The following CARM1 variants were observed in gnomAD, a reference collection of about 807,000 sequenced individuals.
CARM1 encodes the protein histone-arginine methyltransferase CARM1.
A neutral mutation model predicts 72.7 loss-of-function variants in CARM1; 14 were observed. The ratio of observed to expected loss-of-function variants is 0.19; its 90% confidence interval spans 0.13 to 0.30. CARM1 has a LOEUF of 0.30. Ranked by LOEUF, CARM1 falls within the 10% of genes least tolerant of loss-of-function variation. The pLI, the probability that CARM1 is intolerant of heterozygous loss-of-function variation, is 1.00. For synonymous variants in CARM1, 333 were observed against 345.5 expected (o/e 0.96, Z 0.40); for missense variants, 432 against 833.7 (o/e 0.52, Z 5.93).
At chr19:10,878,017 A>G (rs2146299228) in intron 1 of CARM1, among the ~76,000 whole-genome samples, 1 of 152,000 alleles carries the variant, frequency 6.6e-6, no homozygotes, top group East Asian at 1.9e-4. Context: ...AATTTAAGCA[A>G]TTTTTTTAGA....
intron 1 of CARM1, among the ~76,000 whole-genome samples, chr19:10,899,723 C>CTTTTTT (rs1354982354): frequency 1.1e-4 from 16 of 141,946 alleles, no homozygotes; most frequent in Middle Eastern, 3.8e-3. Context: ...TTTTCTTTTT[C>CTTTTTT]TTTTTTTTTT....
In CARM1 at chr19:10,896,100, G is replaced by A. The variant is rs1282615710; in HGVS notation, c.221-8851G>A. Among the ~76,000 whole-genome samples the A allele has an allele frequency of 6.6e-6, 1 of 152,072 alleles. No homozygotes were observed. Among genetic ancestry groups the A allele is most frequent in the Non-Finnish European group, 1.5e-5 (1 of 67,994 alleles). On this transcript the variant is annotated intron_variant, in intron 1 of 15. Transcript: ENST00000327064. The surrounding 1 kb of genome is among the most constrained non-coding windows in gnomAD (Gnocchi z 5.2). ...TGGGGCGGTGTGAAGCAGGCGGGTT[G>A]TGTTAGACACTGTGCGGCTTGAAGG...
rs1490024032 is a variant in CARM1, at chr19:10,896,331, C to T, written c.221-8620C>T. 6.6e-6 allele frequency among the ~76,000 whole-genome samples: 1 copy of T among 152,048 alleles called. No individual in the cohort carries two copies. The highest frequency in any genetic ancestry group is 2.4e-5 in the African/African-American group (1 of 41,376). On this transcript the variant is annotated intron_variant, in intron 1 of 15. Transcript: ENST00000327064. This position sits in a 1 kb window ranked among gnomAD's most constrained non-coding sequence, Gnocchi z 5.2. ...AGGGAATCCTTATACCTTAGAGTCC[C>T]CCAGATTCTGCTGCCCTGGGGGGCC...
chr19:10,905,946 T>TA (rs1235112170), intron 2 of CARM1, among the ~76,000 whole-genome samples: 20 of 137,182 alleles, frequency 1.5e-4, no homozygotes, highest in African/African-American at 5.5e-4. Flanking sequence ...CGGCCCCTTT[T>TA]TTTTTTTTTT....
intron 1 of CARM1, among the ~76,000 whole-genome samples, chr19:10,880,575 A>T (rs956702905): frequency 7.3e-6 from 1 of 137,348 alleles, no homozygotes; most frequent in African/African-American, 2.8e-5. Context: ...GCGGATGTGG[A>T]ACTCCTGGGC....
Position 10,923,043 on chromosome 19 carries a change from A to T in CARM1, c.*1286A>T. The T allele has an allele frequency of 2.2e-6, 1 of 448,640 alleles. No homozygotes were observed. The highest frequency in any genetic ancestry group is 3.4e-5 in the South Asian group (1 of 29,662). The allele number at this position is 448,640 out of a possible 1,614,324, so 27.8% of individuals were successfully genotyped here. On this transcript the variant is annotated 3_prime_UTR_variant, in exon 16 of 16. Transcript: ENST00000327064. ...TATAAATTCTCTGAATCACCTTTGC[A>T]TAGAAAATAAAAGTGTTTGCTTTGT...
intron 4 of CARM1, among the ~76,000 whole-genome samples, chr19:10,909,755 C>A (rs1042340375): frequency 1.6e-4 from 24 of 151,404 alleles, no homozygotes; most frequent in South Asian, 6.3e-4. Context: ...AACAAACAAA[C>A]AAAAAAAACA....
At position 10,910,626 on chromosome 19, in the gene CARM1, C is replaced by T. The variant is rs1873682594; in HGVS notation, c.558+1419C>T. ...TTGTTACCAGGCTGGAGTGCAGTGACACAATCTCGGCTCACTGCAACCTCC... is the reference window on the plus strand; with the variant it reads ...TTGTTACCAGGCTGGAGTGCAGTGATACAATCTCGGCTCACTGCAACCTCC... On this transcript the variant is annotated intron_variant, in intron 4 of 15. Coordinates refer to ENST00000327064, the MANE Select transcript of CARM1 (RefSeq NM_199141.2). Among the ~76,000 whole-genome samples, 9 of 149,484 alleles carry T rather than the reference C, an allele frequency of 6.0e-5. No individual in the cohort carries two copies. In the South Asian group the frequency reaches 1.9e-3, roughly 32 times the overall value.
Position 10,890,774 on chromosome 19 carries a change from C to CACATAT in CARM1, c.221-14176_221-14175insCATATA, listed in dbSNP as rs1460065828. On this transcript the variant is annotated intron_variant, in intron 1 of 15. Coordinates refer to ENST00000327064, the MANE Select transcript of CARM1 (RefSeq NM_199141.2). ...ATACACACACACATATACACACACA[C>CACATAT]ATATATATATATATATATATATTTT... Among the ~76,000 whole-genome samples, 511 of 63,492 alleles carry CACATAT rather than the reference C, an allele frequency of 8.0e-3. 13 individuals are homozygous for CACATAT. The highest frequency in any genetic ancestry group is 0.016 in the South Asian group (23 of 1,400). The allele number at this position is 63,492 out of a possible 152,430, so 41.7% of individuals were successfully genotyped here. A position where few individuals can be genotyped will look rare whatever the true frequency, so the allele number is the denominator to read the frequency against.
chr19:10,885,438 C>T (rs1016566342), intron 1 of CARM1, among the ~76,000 whole-genome samples: 3 of 152,216 alleles, frequency 2.0e-5, no homozygotes. Flanking sequence ...ATGTGTTACA[C>T]ATGTGCAAGC....
intron 1 of CARM1, among the ~76,000 whole-genome samples, chr19:10,877,277 G>A (rs945445807): frequency 2.2e-4 from 33 of 152,088 alleles, no homozygotes; most frequent in African/African-American, 7.0e-4. Flanking sequence ...AATGGATACC[G>A]TCATTTATTG....
chr19:10,874,945 A>G (rs1233137932), intron 1 of CARM1, among the ~76,000 whole-genome samples: 1 of 151,802 alleles, frequency 6.6e-6, no homozygotes, highest in African/African-American at 2.4e-5. Context: ...GATCGCTTGA[A>G]CCAGGGAAGC....
chr19:10,891,532 G>A (rs557319587), intron 1 of CARM1, among the ~76,000 whole-genome samples: 3 of 152,272 alleles, frequency 2.0e-5, no homozygotes, highest in Admixed American at 6.5e-5. Flanking sequence ...AGGGCTGTCC[G>A]CCAGCCTCCA....
rs369382307 is a variant in CARM1, at chr19:10,913,873, G to T, written c.670-4G>T. 9.0e-5 allele frequency: 145 copies of T among 1,610,876 alleles called. No homozygotes were observed. The highest frequency in any genetic ancestry group is 1.1e-4 in the Non-Finnish European group (128 of 1,178,470). ...GAAGCCCACATGGCCCTGCCCGCCT[G>T]CAGGTCTTGGTGAAGAGTAACAACC... On this transcript the variant is annotated splice_polypyrimidine_tract_variant and splice_region_variant and intron_variant, in intron 5 of 15. Transcript: ENST00000327064.
rs1030017726 is a variant in CARM1 at position 10,921,944 on chromosome 19, G to A, written c.*187G>A. 30 of 563,572 alleles carry A rather than the reference G, an allele frequency of 5.3e-5. No homozygotes were observed. Among genetic ancestry groups the A allele is most frequent in the African/African-American group, 5.8e-5 (3 of 51,410 alleles). The allele number at this position is 563,572 out of a possible 1,614,324, so 34.9% of individuals were successfully genotyped here. On this transcript the variant is annotated 3_prime_UTR_variant, in exon 16 of 16. Coordinates refer to ENST00000327064, the MANE Select transcript of CARM1 (RefSeq NM_199141.2). ...GTCCCCACCCTAACCCCCACCTCCC[G>A]GCCCTGAGCGTGTGTCGCTGCCATA...
chr19:10,876,377 G>A (rs912863210), intron 1 of CARM1, among the ~76,000 whole-genome samples: 23 of 152,362 alleles, frequency 1.5e-4, no homozygotes, highest in Non-Finnish European at 2.6e-4. Context: ...GGTGTGGCAT[G>A]GGAATGAGCT....
chr19:10,910,340 G>T (rs1229864050), intron 4 of CARM1, among the ~76,000 whole-genome samples: 1 of 151,770 alleles, frequency 6.6e-6, no homozygotes, highest in Non-Finnish European at 1.5e-5. Context: ...AATTAGCTGG[G>T]CGTGGTGGCA....
intron 1 of CARM1, among the ~76,000 whole-genome samples, chr19:10,893,521 G>A (rs1311603537): frequency 6.6e-6 from 1 of 151,950 alleles, no homozygotes; most frequent in Non-Finnish European, 1.5e-5. Context: ...TTTATTTTTA[G>A]TAGAGATAGG....
chr19:10,921,361 C>T lies in CARM1; in HGVS notation c.1616-14C>T, dbSNP rs1310027982. 6.2e-7 allele frequency: 1 copy of T among 1,610,680 alleles called. No individual in the cohort carries two copies. The highest frequency in any genetic ancestry group is 8.5e-7 in the Non-Finnish European group (1 of 1,179,024). On this transcript the variant is annotated splice_polypyrimidine_tract_variant and intron_variant, in intron 14 of 15. Coordinates refer to ENST00000327064, the MANE Select transcript of CARM1 (RefSeq NM_199141.2). ...GCCGTCTCCCTTCCTTCTTTCCTCC[C>T]TCTCGCTGCGCAGCCAACACGGGGA... is the stretch of plus-strand genomic sequence containing the variant.
Sources: gnomAD v4.1 joint callset for allele counts (sites outside exome capture counted in the v4.1 genomes callset) on GRCh38, gnomAD v4.1.1 for gene constraint, Gnocchi (gnomAD v3.1) non-coding constraint, MANE v1.5 for transcripts, NCBI Gene and HGNC (gene_info 2026-07-23, HGNC 2026-07-21) for gene names.